Variants in SYNRG observed in about 807,000 individuals in gnomAD.
The protein encoded by SYNRG is synergin gamma, also known as AP1 gamma subunit binding protein 1.
SYNRG carries 37 observed loss-of-function variants against 130.9 expected under a neutral mutation model. The ratio of observed to expected loss-of-function variants is 0.28; its 90% CI spans 0.22 to 0.37. SYNRG has a LOEUF of 0.37. Among genes scored for constraint, SYNRG ranks in the 10% least tolerant of loss-of-function variants. The pLI is 1.00. For missense variants in SYNRG, 1,338 were observed against 1,588.9 expected (o/e 0.84, Z 2.68); for synonymous variants, 539 against 568.1 (o/e 0.95, Z 0.73).
intron 14 of SYNRG, among the ~76,000 whole-genome samples, chr17:37,552,367 A>G (rs2145330020): frequency 6.6e-6 from 1 of 152,340 alleles, no homozygotes; most frequent in Non-Finnish European, 1.5e-5. Context: ...AAATTGCTAC[A>G]TGTAAATCTA....
rs931323620 is a variant in SYNRG, at chr17:37,597,206, T to G, written c.119-862A>C. ...GCCAAAAGGCAGCATGAATTTGCCA[T>G]CTATCTCAGCGAGCCACCTCGGCAG... On this transcript the variant is annotated intron_variant, in intron 2 of 21. Coordinates refer to ENST00000612223, the MANE Select transcript of SYNRG (RefSeq NM_007247.6). Among the ~76,000 whole-genome samples the G allele has an allele frequency of 2.0e-5, 3 of 152,200 alleles. No individual in the cohort carries two copies. The South Asian group carries it at 6.2e-4, about 32-fold the overall frequency.
At chr17:37,561,721 T>C (rs1168260883) in intron 11 of SYNRG, 132 bp from the exon 12 acceptor site, 1 of 617,452 alleles carries the variant, frequency 1.6e-6, no homozygotes, top group African/African-American at 1.8e-5. Context: ...GTTAGAAAAC[T>C]ATATAGTATA....
rs1030951529 is a variant in SYNRG at position 37,529,990 on chromosome 17, CTCTACAG to C, written c.3666+5982_3666+5988del. 121 of 711,824 alleles carry C rather than the reference CTCTACAG, an allele frequency of 1.7e-4. No homozygotes were observed. The African/African-American group carries it at 2.0e-3, about 12-fold the overall frequency. The allele number at this position is 711,824 out of a possible 1,614,324, so 44.1% of individuals were successfully genotyped here. ...TGTAAAGAAGGAGGCTTTTAAGTTA[CTCTACAG>C]TCCTGGTATATATATGTACAAGAGC... is the stretch of plus-strand genomic sequence containing the variant. On this transcript the variant is annotated intron_variant, in intron 19 of 21. Transcript: ENST00000612223.
chr17:37,577,277 A>G, intron 7 of SYNRG, 103 bp downstream of exon 7: 1 of 1,098,042 alleles, frequency 9.1e-7, no homozygotes. Context: ...AATTTCGATT[A>G]GCAAAATCAA....
chr17:37,537,845 T>C (rs182627116), intron 18 of SYNRG, among the ~76,000 whole-genome samples: 1 of 152,190 alleles, frequency 6.6e-6, no homozygotes, highest in Non-Finnish European at 1.5e-5. Context: ...TGTGTGGCTC[T>C]GGCCACGGGC....
At position 37,604,182 on chromosome 17, in the gene SYNRG, T is replaced by C. The variant is rs142112095; in HGVS notation, c.78-3779A>G. Among the ~76,000 whole-genome samples, 528 of 151,288 alleles carry C rather than the reference T, an allele frequency of 3.5e-3. 4 individuals are homozygous for C. The highest frequency in any genetic ancestry group is 0.01 in the Middle Eastern group (3 of 292). ...TTGAACCCGGGAGGCGAAGGTTACA[T>C]TGAGGCGAGATCACGCCACTGCACT... On this transcript the variant is annotated intron_variant, in intron 1 of 21. Coordinates refer to ENST00000612223, the MANE Select transcript of SYNRG (RefSeq NM_007247.6).
At chr17:37,539,845 T>C (rs1251621000) in intron 16 of SYNRG, among the ~76,000 whole-genome samples, 1 of 152,198 alleles carries the variant, frequency 6.6e-6, no homozygotes, top group Non-Finnish European at 1.5e-5. Flanking sequence ...GCACTCAGCA[T>C]GTAGCTATCT....
chr17:37,576,240 C>T, intron 8 of SYNRG, 101 bp downstream of exon 8: 1 of 1,145,210 alleles, frequency 8.7e-7, no homozygotes, highest in African/African-American at 1.6e-5. Flanking sequence ...ACAACTCCTC[C>T]TGCATTTTTT....
chr17:37,571,671 T>A (rs2060444415), intron 9 of SYNRG, 120 bp downstream of exon 9: 2 of 877,750 alleles, frequency 2.3e-6, no homozygotes, highest in South Asian at 4.2e-5. Context: ...AAGTACTATA[T>A]CCTGAAAATG....
At chr17:37,543,462 C>T (rs1415111171) in intron 14 of SYNRG, among the ~76,000 whole-genome samples, 1 of 152,150 alleles carries the variant, frequency 6.6e-6, no homozygotes, top group Non-Finnish European at 1.5e-5. Context: ...TTGGAAAGAC[C>T]TGAGTTCAAC....
intron 20 of SYNRG, 119 bp from the exon 21 acceptor site, chr17:37,520,333 G>C: frequency 7.4e-7 from 1 of 1,355,616 alleles, no homozygotes; most frequent in Non-Finnish European, 1.0e-6. Context: ...ACAGGGTGCT[G>C]CAGGCATGAG....
intron 6 of SYNRG, among the ~76,000 whole-genome samples, chr17:37,582,348 C>T (rs2061399041): frequency 6.6e-6 from 1 of 152,106 alleles, no homozygotes; most frequent in Non-Finnish European, 1.5e-5. Context: ...CATTGTATTC[C>T]AAGTCTCCCA....
At chr17:37,522,071 C>T (rs1023331854) in intron 19 of SYNRG, among the ~76,000 whole-genome samples, 13 of 151,452 alleles carry the variant, frequency 8.6e-5, no homozygotes, top group African/African-American at 3.2e-4. Flanking sequence ...AATAGAACAA[C>T]AGCTAATACG....
intron 19 of SYNRG, among the ~76,000 whole-genome samples, chr17:37,524,367 CCTTT>C (rs1018410840): frequency 6.6e-6 from 1 of 151,824 alleles, no homozygotes; most frequent in Admixed American, 6.6e-5. Context: ...GTTCCCTGTT[CCTTT>C]CTAATTTGAA....
chr17:37,535,198 T>C (rs2057075662), intron 19 of SYNRG, among the ~76,000 whole-genome samples: 1 of 152,040 alleles, frequency 6.6e-6, no homozygotes, highest in African/African-American at 2.4e-5. Context: ...GTCCAATCCG[T>C]TTATACACAA....
chr17:37,601,582 C>T (rs2063289299), intron 1 of SYNRG, among the ~76,000 whole-genome samples: 2 of 152,158 alleles, frequency 1.3e-5, no homozygotes, highest in Admixed American at 6.5e-5. Flanking sequence ...CAAACAGAAA[C>T]TCTGTACCCA....
Position 37,518,857 on chromosome 17 carries a change from G to A in SYNRG, c.*83C>T, listed in dbSNP as rs1473379688. ...TCGATTCAGGGAAGCGAACTGTGCA[G>A]TGCTCGCATTCTATTTATTGGTCCC... On this transcript the variant is annotated 3_prime_UTR_variant, in exon 22 of 22. Transcript: ENST00000612223. The A allele has an allele frequency of 1.9e-6, 3 of 1,556,340 alleles. No homozygotes were observed. The highest frequency in any genetic ancestry group is 2.6e-6 in the Non-Finnish European group (3 of 1,147,318).
At chr17:37,534,706 G>T (rs1261504603) in intron 19 of SYNRG, among the ~76,000 whole-genome samples, 1 of 151,860 alleles carries the variant, frequency 6.6e-6, no homozygotes, top group East Asian at 1.9e-4. Flanking sequence ...ACAAGAAAAA[G>T]TTTTGGAAAT....
At chr17:37,547,594 C>A (rs1267202433) in intron 14 of SYNRG, among the ~76,000 whole-genome samples, 3 of 152,024 alleles carry the variant, frequency 2.0e-5, no homozygotes, top group Non-Finnish European at 2.9e-5. Flanking sequence ...CCCCGAGTAG[C>A]TGGGATTACA....
Sources: gnomAD v4.1 joint callset for allele counts (sites outside exome capture counted in the v4.1 genomes callset) on GRCh38, gnomAD v4.1.1 for gene constraint, MANE v1.5 for transcripts, NCBI Gene and HGNC (gene_info 2026-07-23, HGNC 2026-07-21) for gene names.